The following SF3A2 variants were observed in gnomAD, a reference collection of about 807,000 sequenced individuals.
The protein encoded by SF3A2 is splicing factor 3a subunit 2.
In SF3A2, 5 loss-of-function variants were observed where a neutral mutation model predicts 31.1. That is an observed-to-expected ratio of 0.16 (90% CI 0.08 to 0.34). The LOEUF (loss-of-function observed/expected upper bound fraction) is 0.34. Among genes scored for constraint, SF3A2 ranks in the 10% least tolerant of loss-of-function variants. The probability of loss-of-function intolerance (pLI) is 1.00; values close to 1 mark genes in which losing one functional copy is unlikely to be tolerated. For missense variants in SF3A2, 577 were observed against 643.9 expected, an observed-to-expected ratio of 0.90 and a Z score of 1.13; for synonymous variants, 365 against 263.7, an observed-to-expected ratio of 1.38 and a Z score of -3.72.
intron 1 of SF3A2, among the ~76,000 whole-genome samples, chr19:2,238,491 C>T (rs1363196105): frequency 6.6e-6 from 1 of 152,220 alleles, no homozygotes; most frequent in Non-Finnish European, 1.5e-5. Flanking sequence ...CCACCCACTG[C>T]ACCTTCACCT....
chr19:2,243,607 A>T, intron 2 of SF3A2, 63 bp downstream of exon 2: 2 of 1,453,514 alleles, frequency 1.4e-6, no homozygotes, highest in Non-Finnish European at 1.8e-6. Context: ...AGCCCTGGAG[A>T]GGGTGCCAGA....
Position 2,246,502 on chromosome 19 carries a change from G to T in SF3A2, c.356-251G>T, listed in dbSNP as rs2024934382. On this transcript the variant is annotated intron_variant, in intron 5 of 8. Transcript: ENST00000221494. The surrounding 1 kb of genome is among the most constrained non-coding windows in gnomAD (Gnocchi z 5.5). ...CAGCACCCCTGGTGAAGGGCTCTGG[G>T]GATTGGGACAAAGGAGCACCATCCT... Among the ~76,000 whole-genome samples the T allele has an allele frequency of 6.6e-6, 1 of 152,118 alleles. No individual in the cohort carries two copies. The highest frequency in any genetic ancestry group is 2.1e-4 in the South Asian group (1 of 4,828).
rs112216971 is a variant in SF3A2, at chr19:2,244,849, C to T, written c.245+70C>T. The T allele has an allele frequency of 3.1e-3, 4,437 of 1,438,310 alleles. 87 individuals carry two copies. In the African/African-American group the frequency reaches 0.052, roughly 17 times the overall value. 89.1% of individuals were successfully genotyped at this position (1,438,310 alleles called of 1,614,324 possible). A position where few individuals can be genotyped will look rare whatever the true frequency, so the allele number is the denominator to read the frequency against. ...TTGGCTCAAGTCTCTGTGAGCCTCG[C>T]GGGCCACTGCTCCACAGCCGGGGAG... On this transcript the variant is annotated intron_variant, in intron 4 of 8. Transcript: ENST00000221494.
At position 2,245,075 on chromosome 19, in the gene SF3A2, A is replaced by G; in HGVS notation, c.245+296A>G. ...GTGGCACACGTCTGTAATCACAGCT[A>G]CTATGGAGGCTGAGGCAGGAGAATC... On this transcript the variant is annotated intron_variant, in intron 4 of 8. Transcript: ENST00000221494. The surrounding 1 kb of genome is among the most constrained non-coding windows in gnomAD (Gnocchi z 4.2). 3.8e-6 allele frequency: 2 copies of G among 522,260 alleles called. No homozygotes were observed. The highest frequency in any genetic ancestry group is 3.4e-5 in the Admixed American group (1 of 29,108). The allele number at this position is 522,260 out of a possible 1,614,324, so 32.4% of individuals were successfully genotyped here.
At position 2,244,790 on chromosome 19, in the gene SF3A2, C is replaced by T. The variant is rs1439516363; in HGVS notation, c.245+11C>T. On this transcript the variant is annotated intron_variant, in intron 4 of 8. Transcript: ENST00000221494. ...GCACCAGACCAACCTGTGAGTACCTCATGTCCCTTTGATGCCTGGTGCTCC... is the reference window on the plus strand; with the variant it reads ...GCACCAGACCAACCTGTGAGTACCTTATGTCCCTTTGATGCCTGGTGCTCC... The T allele has an allele frequency of 1.2e-6, 2 of 1,612,886 alleles. No homozygotes were observed. The highest frequency in any genetic ancestry group is 1.7e-6 in the Non-Finnish European group (2 of 1,179,316).
chr19:2,241,829 C>T lies in SF3A2; in HGVS notation c.-37-1553C>T, dbSNP rs371114160. ...GGCGATGGTCACAGTGGTGGTTTCT[C>T]GAAGTTTACGTGACAACATGTAAAA... is the stretch of plus-strand genomic sequence containing the variant. On this transcript the variant is annotated intron_variant, in intron 1 of 8. Coordinates refer to ENST00000221494, the MANE Select transcript of SF3A2 (RefSeq NM_007165.5). Among the ~76,000 whole-genome samples the T allele has an allele frequency of 7.9e-5, 12 of 152,108 alleles. No individual in the cohort carries two copies. In the East Asian group the frequency reaches 1.3e-3, roughly 17 times the overall value.
At chr19:2,239,483 GTCTT>G (rs1247218108) in intron 1 of SF3A2, among the ~76,000 whole-genome samples, 2 of 152,014 alleles carry the variant, frequency 1.3e-5, no homozygotes, top group Non-Finnish European at 2.9e-5. Context: ...CTGCTCAGTT[GTCTT>G]TCTGTCTAGT....
chr19:2,242,816 C>A lies in SF3A2; in HGVS notation c.-37-566C>A, dbSNP rs528538963. 1.1e-3 allele frequency among the ~76,000 whole-genome samples: 164 copies of A among 152,264 alleles called. 1 individual carries two copies. In the Middle Eastern group the frequency reaches 0.024, roughly 22 times the overall value. On this transcript the variant is annotated intron_variant, in intron 1 of 8. Transcript: ENST00000221494. ...GGACTCAGCAGAGCCCCCTGCGCCA[C>A]AAGCAGATGTGGCAGATCTCCCAGG...
Position 2,246,674 on chromosome 19 carries a change from G to A in SF3A2, c.356-79G>A. Reference sequence around the variant, plus strand: ...CCCCGGGGTCCCGCTCTCGTTCAGTGGGTGGCATTAGCCTGCCCCAGGTTC... The same window carrying A: ...CCCCGGGGTCCCGCTCTCGTTCAGTAGGTGGCATTAGCCTGCCCCAGGTTC... On this transcript the variant is annotated intron_variant, in intron 5 of 8. Transcript: ENST00000221494. The surrounding 1 kb of genome is among the most constrained non-coding windows in gnomAD (Gnocchi z 5.5). 1 of 1,556,516 alleles carries A rather than the reference G, an allele frequency of 6.4e-7. No individual in the cohort carries two copies. The highest frequency in any genetic ancestry group is 8.8e-7 in the Non-Finnish European group (1 of 1,132,806).
intron 1 of SF3A2, among the ~76,000 whole-genome samples, chr19:2,240,061 G>T (rs146069600): frequency 2.0e-3 from 302 of 152,342 alleles, no homozygotes; most frequent in Middle Eastern, 0.01. Context: ...ATCCAGGGAG[G>T]TCAACTGCCC....
In SF3A2 at chr19:2,245,270, C is replaced by T; in HGVS notation, c.246-176C>T. The T allele has an allele frequency of 3.4e-6, 2 of 580,670 alleles. No individual in the cohort carries two copies. The highest frequency in any genetic ancestry group is 3.1e-6 in the Non-Finnish European group (1 of 326,258). The allele number at this position is 580,670 out of a possible 1,614,324, so 36.0% of individuals were successfully genotyped here. A position where few individuals can be genotyped will look rare whatever the true frequency, so the allele number is the denominator to read the frequency against. ...AGTGAGGAGCATGACAGGAAGAGAA[C>T]ATGCCTGTCCTATCCCTGTCCTCAG... is the stretch of plus-strand genomic sequence containing the variant. On this transcript the variant is annotated intron_variant, in intron 4 of 8. Transcript: ENST00000221494. This position sits in a 1 kb window ranked among gnomAD's most constrained non-coding sequence, Gnocchi z 4.2.
At chr19:2,239,388 A>T (rs1442463125) in intron 1 of SF3A2, among the ~76,000 whole-genome samples, 1 of 151,866 alleles carries the variant, frequency 6.6e-6, no homozygotes, top group South Asian at 2.1e-4. Flanking sequence ...GAGAGAAAAA[A>T]ATCTGTATTT....
At position 2,248,450 on chromosome 19, in the gene SF3A2, T is replaced by A; in HGVS notation, c.1299T>A (p.Pro433=). ...CTCCGGGAGTTCACCCCTCAAATCC[T>A]GGGGTGCACCCCCCAACTCCCATGC... ...PQPPGVHPSN[P]GVHPPTPMPP... The change falls in exon 9 of 9, where the codon CCT becomes CCA. Residue 433 remains proline (P), a synonymous_variant. Transcript: ENST00000221494. The A allele has an allele frequency of 7.5e-7, 1 of 1,337,422 alleles. No individual in the cohort carries two copies. Among genetic ancestry groups the A allele is most frequent in the Non-Finnish European group, 9.6e-7 (1 of 1,036,530 alleles). The allele number at this position is 1,337,422 out of a possible 1,614,324, so 82.8% of individuals were successfully genotyped here.
rs933516774 is a variant in SF3A2, at chr19:2,245,360, A to G, written c.246-86A>G. 11 of 986,894 alleles carry G rather than the reference A, an allele frequency of 1.1e-5. No individual in the cohort carries two copies. In the South Asian group the frequency reaches 1.3e-4, roughly 12 times the overall value. The allele number at this position is 986,894 out of a possible 1,614,324, so 61.1% of individuals were successfully genotyped here. A position where few individuals can be genotyped will look rare whatever the true frequency, so the allele number is the denominator to read the frequency against. On this transcript the variant is annotated intron_variant, in intron 4 of 8. Coordinates refer to ENST00000221494, the MANE Select transcript of SF3A2 (RefSeq NM_007165.5). This position sits in a 1 kb window ranked among gnomAD's most constrained non-coding sequence, Gnocchi z 4.2. ...ATCTCTCAGCTTGTAGTGAGCTCCAAGGTCAGGGGGCTCCTGGCACCTGGG... is the reference window on the plus strand; with the variant it reads ...ATCTCTCAGCTTGTAGTGAGCTCCAGGGTCAGGGGGCTCCTGGCACCTGGG...
intron 1 of SF3A2, among the ~76,000 whole-genome samples, chr19:2,238,381 C>G (rs924294409): frequency 1.3e-5 from 2 of 152,144 alleles, no homozygotes; most frequent in African/African-American, 2.4e-5. Flanking sequence ...GTCCCCTGAT[C>G]TTTACCTTAG....
rs140353606 is a variant in SF3A2 at position 2,246,869 on chromosome 19, C to T, written c.406-13C>T. On this transcript the variant is annotated splice_polypyrimidine_tract_variant and intron_variant, in intron 6 of 8. Transcript: ENST00000221494. This position sits in a 1 kb window ranked among gnomAD's most constrained non-coding sequence, Gnocchi z 5.5. ...CCAAGAGGCGGCTCTGCCACCCGGC[C>T]GTGTCCCTGCAGATTGACTACCCTG... The T allele has an allele frequency of 3.1e-4, 497 of 1,612,462 alleles. No homozygotes were observed. Among genetic ancestry groups the T allele is most frequent in the Middle Eastern group, 2.5e-3 (15 of 6,048 alleles).
chr19:2,242,250 C>T (rs141679020), intron 1 of SF3A2, among the ~76,000 whole-genome samples: 7 of 152,360 alleles, frequency 4.6e-5, no homozygotes, highest in African/African-American at 7.2e-5. Flanking sequence ...TCACTGCAGA[C>T]GCAGTAGTTC....
Position 2,248,153 on chromosome 19 carries a change from T to TGGAGTACACCCTCCAGCCCCC in SF3A2, c.1007_1008insACACCCTCCAGCCCCCGGAGT (p.Ala361_Pro367dup). On this transcript the variant is annotated inframe_insertion, in exon 9 of 9. Transcript: ENST00000221494. ...CCTCTGGGGTCCACCCCCCAGCTCC[T>TGGAGTACACCCTCCAGCCCCC]GGAGTCCACCCTCCAGCCCCCGGGG... is the stretch of plus-strand genomic sequence containing the variant. The TGGAGTACACCCTCCAGCCCCC allele has an allele frequency of 7.5e-7, 1 of 1,335,318 alleles. No homozygotes were observed. The highest frequency in any genetic ancestry group is 1.0e-6 in the Non-Finnish European group (1 of 980,008). 82.7% of individuals were successfully genotyped at this position (1,335,318 alleles called of 1,614,324 possible). A position where few individuals can be genotyped will look rare whatever the true frequency, so the allele number is the denominator to read the frequency against.
intron 1 of SF3A2, chr19:2,237,424 A>AAC: frequency 6.8e-6 from 1 of 146,668 alleles, no homozygotes; most frequent in South Asian, 2.1e-4. Context: ...AAAAAAAAAA[A>AAC]AAAAATTAGC....
Sources: allele counts gnomAD v4.1 joint callset (sites outside exome capture counted in the v4.1 genomes callset), GRCh38; gene constraint gnomAD v4.1.1; non-coding constraint Gnocchi (gnomAD v3.1); transcripts MANE v1.5; gene names NCBI Gene and HGNC (gene_info 2026-07-23, HGNC 2026-07-21).